The following NEGR1 variants were observed in gnomAD, a reference collection of about 807,000 sequenced individuals.
The protein encoded by NEGR1 is neuronal growth regulator 1.
NEGR1 carries 10 observed loss-of-function variants against 40.9 expected under a neutral mutation model. The observed-to-expected ratio is 0.24, with a 90% confidence interval of 0.15 to 0.42. The LOEUF is 0.42. Ranked by LOEUF, NEGR1 falls within the 10% of genes least tolerant of loss-of-function variation. The probability of loss-of-function intolerance (pLI) is 1.00; values close to 1 mark genes in which losing one functional copy is unlikely to be tolerated. For synonymous variants in NEGR1, 185 were observed against 166.8 expected (o/e 1.11, Z -0.84); for missense variants, 352 against 438.9 (o/e 0.80, Z 1.77).
chr1:71,484,033 T>C (rs188830298), intron 6 of NEGR1, among the ~76,000 whole-genome samples: 21 of 151,860 alleles, frequency 1.4e-4, no homozygotes, highest in African/African-American at 4.8e-4. Flanking sequence ...TTGAAAACCA[T>C]ATGGGTTTTC....
At chr1:71,804,658 A>G (rs964299898) in intron 2 of NEGR1, among the ~76,000 whole-genome samples, 1 of 152,202 alleles carries the variant, frequency 6.6e-6, no homozygotes, top group Admixed American at 6.5e-5. Flanking sequence ...TACCCTTGTG[A>G]TTTCCTATGC....
intron 6 of NEGR1, among the ~76,000 whole-genome samples, chr1:71,520,025 A>G (rs1265578219): frequency 1.3e-5 from 2 of 152,098 alleles, no homozygotes; most frequent in Non-Finnish European, 2.9e-5. Context: ...ACAAAATTTC[A>G]ACTTTTTTCA....
intron 4 of NEGR1, among the ~76,000 whole-genome samples, chr1:71,683,524 C>T (rs1018883359): frequency 1.4e-5 from 2 of 141,308 alleles, no homozygotes; most frequent in African/African-American, 5.3e-5. Flanking sequence ...TTGTTTAAGT[C>T]CAAAGTGGTT....
chr1:71,562,091 T>G (rs1206709312), intron 6 of NEGR1, among the ~76,000 whole-genome samples: 1 of 151,762 alleles, frequency 6.6e-6, no homozygotes, highest in Non-Finnish European at 1.5e-5. Context: ...AAGTTCTTTA[T>G]CTTGCCCTGT....
At chr1:71,726,856 G>T (rs1654693340) in intron 3 of NEGR1, among the ~76,000 whole-genome samples, 1 of 151,686 alleles carries the variant, frequency 6.6e-6, no homozygotes, top group Admixed American at 6.6e-5. Flanking sequence ...AATACATACT[G>T]AATTCCACAG....
At chr1:71,656,621 C>A (rs1310435322) in intron 4 of NEGR1, among the ~76,000 whole-genome samples, 1 of 152,104 alleles carries the variant, frequency 6.6e-6, no homozygotes. Context: ...ACCGTGGTCT[C>A]GATCTCCTGA....
At chr1:72,166,443 T>C (rs1477358160) in intron 1 of NEGR1, among the ~76,000 whole-genome samples, 1 of 151,948 alleles carries the variant, frequency 6.6e-6, no homozygotes, top group African/African-American at 2.4e-5. Flanking sequence ...CCAAAGAAAA[T>C]GAAATCAGTA....
intron 4 of NEGR1, among the ~76,000 whole-genome samples, chr1:71,667,975 T>C (rs11209815): frequency 0.41 from 62,289 of 152,112 alleles, 13,711 homozygotes; most frequent in East Asian, 0.61. Flanking sequence ...AATGTAGTCA[T>C]AATACATATG....
intron 2 of NEGR1, among the ~76,000 whole-genome samples, chr1:71,801,454 A>G (rs1180170631): frequency 1.3e-5 from 2 of 152,204 alleles, no homozygotes; most frequent in East Asian, 3.9e-4. Context: ...GTATCTTCAC[A>G]TGGTTGTCTA....
intron 1 of NEGR1, among the ~76,000 whole-genome samples, chr1:72,103,030 T>C (rs1310633235): frequency 4.6e-5 from 7 of 152,160 alleles, no homozygotes; most frequent in Admixed American, 3.9e-4. Flanking sequence ...TTTTGTTCTA[T>C]TGTGCAATGT....
intron 1 of NEGR1, among the ~76,000 whole-genome samples, chr1:72,162,808 G>A (rs78694889): frequency 0.046 from 6,972 of 152,172 alleles, 526 homozygotes; most frequent in African/African-American, 0.16. Flanking sequence ...GACTGCAGAG[G>A]ATAGCAGTAT....
At chr1:71,923,070 A>C (rs1025084639) in intron 2 of NEGR1, among the ~76,000 whole-genome samples, 2 of 151,800 alleles carry the variant, frequency 1.3e-5, no homozygotes, top group Admixed American at 6.6e-5. Context: ...AAGAGACTTC[A>C]CTCCTTCACT....
At chr1:71,933,318 G>A (rs1397528998) in intron 2 of NEGR1, among the ~76,000 whole-genome samples, 1 of 151,904 alleles carries the variant, frequency 6.6e-6, no homozygotes, top group Non-Finnish European at 1.5e-5. Context: ...GATAGTCTGG[G>A]TATTTAAAAT....
At chr1:72,017,332 A>T (rs1202686814) in intron 1 of NEGR1, among the ~76,000 whole-genome samples, 2 of 152,108 alleles carry the variant, frequency 1.3e-5, no homozygotes, top group East Asian at 3.9e-4. Flanking sequence ...TCTTTGCAGT[A>T]GGTGTCTTAT....
At chr1:71,719,474 T>A (rs1273331403) in intron 3 of NEGR1, among the ~76,000 whole-genome samples, 2 of 152,146 alleles carry the variant, frequency 1.3e-5, no homozygotes, top group Non-Finnish European at 2.9e-5. Flanking sequence ...TCTTGGTGGA[T>A]CTAGAATTGA....
chr1:72,042,070 G>A (rs1646961734), intron 1 of NEGR1, among the ~76,000 whole-genome samples: 1 of 150,192 alleles, frequency 6.7e-6, no homozygotes, highest in Admixed American at 6.7e-5. Flanking sequence ...GCAAGCCTAT[G>A]GGGTGAATCT....
At chr1:71,474,717 CAAAA>C (rs56219737) in intron 6 of NEGR1, among the ~76,000 whole-genome samples, 8 of 86,024 alleles carry the variant, frequency 9.3e-5, no homozygotes, top group African/African-American at 1.8e-4. Flanking sequence ...GACTCTATCT[CAAAA>C]AAAAAAAAAA....
chr1:71,702,878 G>A (rs1248499186), intron 3 of NEGR1, among the ~76,000 whole-genome samples: 3 of 152,074 alleles, frequency 2.0e-5, no homozygotes, highest in Non-Finnish European at 2.9e-5. Flanking sequence ...TCACAGAGGT[G>A]GAAACTAGAG....
At chr1:72,251,746 A>G (rs1401421534) in intron 1 of NEGR1, among the ~76,000 whole-genome samples, 2 of 152,290 alleles carry the variant, frequency 1.3e-5, no homozygotes, top group African/African-American at 4.8e-5. Flanking sequence ...GAATTTGCCA[A>G]TGAGGAACCC....
Sources: allele counts gnomAD v4.1 joint callset (sites outside exome capture counted in the v4.1 genomes callset), GRCh38; gene constraint gnomAD v4.1.1; transcripts MANE v1.5; gene names NCBI Gene and HGNC (gene_info 2026-07-23, HGNC 2026-07-21).